The following TCF25 variants were observed in gnomAD, a reference collection of about 807,000 sequenced individuals.
TCF25 encodes the protein TCF25 ribosome quality control complex subunit, also known as ribosome quality control complex subunit TCF25.
In TCF25, 41 loss-of-function variants were observed where a neutral mutation model predicts 83.1. The observed-to-expected ratio is 0.49, with a 90% confidence interval of 0.38 to 0.64. The LOEUF is 0.64. Among genes scored for constraint, TCF25 ranks in the 30% least tolerant of loss-of-function variants. The probability of loss-of-function intolerance (pLI) is 0.00; values close to 1 mark genes in which losing one functional copy is unlikely to be tolerated. For missense variants in TCF25, 979 were observed against 914.5 expected, an observed-to-expected ratio of 1.07 and a Z score of -0.91; for synonymous variants, 458 against 365.0, an observed-to-expected ratio of 1.25 and a Z score of -2.90.
At chr16:89,902,731 G>C (rs1337435717) in intron 12 of TCF25, among the ~76,000 whole-genome samples, 1 of 151,410 alleles carries the variant, frequency 6.6e-6, no homozygotes. Context: ...CCTCCGAGGG[G>C]CTGTGAGGGG....
chr16:89,896,910 C>G (rs1414271332), intron 9 of TCF25, among the ~76,000 whole-genome samples: 1 of 152,028 alleles, frequency 6.6e-6, no homozygotes, highest in Non-Finnish European at 1.5e-5. Flanking sequence ...GTGGTCCCAG[C>G]TACTTGGGAG....
Position 89,884,670 on chromosome 16 carries a change from G to T in TCF25, c.429+14G>T, listed in dbSNP as rs1232659646. On this transcript the variant is annotated intron_variant, in intron 3 of 17. Transcript: ENST00000263346. The stretch of plus-strand genomic sequence containing the variant: ...GGAGAAGCATCGGTACGTGAGTTGG[G>T]CCTGGCTGTGCTCTGTCCCTCTGCC... 1 of 1,609,474 alleles carries T rather than the reference G, an allele frequency of 6.2e-7. No individual in the cohort carries two copies. The highest frequency in any genetic ancestry group is 8.5e-7 in the Non-Finnish European group (1 of 1,177,546).
At chr16:89,904,833 G>A in intron 13 of TCF25, 105 bp from the exon 14 acceptor site, 1 of 1,399,776 alleles carries the variant, frequency 7.1e-7, no homozygotes, top group Non-Finnish European at 9.8e-7. Context: ...CAGGCCACAG[G>A]GCACTCCCTG....
intron 16 of TCF25, chr16:89,910,328 G>T: frequency 1.8e-6 from 1 of 541,858 alleles, no homozygotes; most frequent in East Asian, 3.1e-5. Flanking sequence ...TGGGAGCCTC[G>T]CTCCGGACGC....
intron 1 of TCF25, among the ~76,000 whole-genome samples, chr16:89,878,883 T>A (rs2042386735): frequency 6.6e-6 from 1 of 152,212 alleles, no homozygotes; most frequent in South Asian, 2.1e-4. Flanking sequence ...CCTCGCCATC[T>A]GCCCACCTCT....
intron 14 of TCF25, 153 bp from the exon 15 acceptor site, chr16:89,906,041 C>T (rs2044748753): frequency 4.4e-6 from 3 of 686,290 alleles, no homozygotes; most frequent in South Asian, 1.8e-5. Context: ...GCCATGGTGC[C>T]TCTGCTCGAG....
chr16:89,896,701 G>A (rs1418770052), intron 9 of TCF25, among the ~76,000 whole-genome samples: 3 of 152,112 alleles, frequency 2.0e-5, no homozygotes, highest in Non-Finnish European at 2.9e-5. Context: ...CTACAGGCAC[G>A]TGCCACAACG....
intron 16 of TCF25, 47 bp downstream of exon 16, chr16:89,907,369 CT>C (rs2044900548): frequency 3.9e-6 from 3 of 768,936 alleles, no homozygotes; most frequent in Non-Finnish European, 5.4e-6. Context: ...CACCTCCCTC[CT>C]CCCAGTTCCC....
chr16:89,889,845 T>C (rs11639625), intron 5 of TCF25: 11,472 of 143,682 alleles, frequency 0.08, 645 homozygotes, highest in East Asian at 0.28. Context: ...CCACCGTGCC[T>C]GGTCTGCACG....
intron 1 of TCF25, among the ~76,000 whole-genome samples, chr16:89,882,561 C>T (rs142311844): frequency 2.7e-3 from 418 of 152,190 alleles, no homozygotes; most frequent in Non-Finnish European, 4.3e-3. Flanking sequence ...AAGGTTTCAT[C>T]GTATGAATTA....
intron 8 of TCF25, among the ~76,000 whole-genome samples, 193 bp downstream of exon 8, chr16:89,895,330 C>A (rs1370884498): frequency 2.0e-5 from 3 of 152,176 alleles, no homozygotes; most frequent in Non-Finnish European, 2.9e-5. Context: ...CCACAGCCTC[C>A]CGAGTAGCTG....
At chr16:89,900,865 G>A (rs553490385) in intron 12 of TCF25, 71 bp downstream of exon 12, 2 of 1,420,174 alleles carry the variant, frequency 1.4e-6, no homozygotes, top group South Asian at 1.6e-5. Context: ...TCTTCCTGGT[G>A]GTGGAGGCCA....
intron 9 of TCF25, among the ~76,000 whole-genome samples, chr16:89,896,302 G>A (rs771104609): frequency 1.3e-5 from 2 of 152,222 alleles, no homozygotes; most frequent in African/African-American, 4.8e-5. Flanking sequence ...TGATGCTACT[G>A]TGGAGGTCAG....
rs574317466 is a variant in TCF25 at position 89,900,580 on chromosome 16, C to A, written c.1222-55C>A. The A allele has an allele frequency of 3.1e-5, 47 of 1,511,922 alleles. No homozygotes were observed. The African/African-American group carries it at 5.5e-4, about 18-fold the overall frequency. 93.7% of individuals were successfully genotyped at this position (1,511,922 alleles called of 1,614,324 possible). ...TGATGTCAGAGCGTCTGCAAACTCA[C>A]ATATTTTGTCTTTATGACTTAAGGC... On this transcript the variant is annotated intron_variant, in intron 11 of 17. Transcript: ENST00000263346.
intron 8 of TCF25, among the ~76,000 whole-genome samples, chr16:89,895,599 A>G (rs1192739597): frequency 6.6e-6 from 1 of 152,218 alleles, no homozygotes; most frequent in African/African-American, 2.4e-5. Context: ...GTAATACTCC[A>G]CTGTGTGGAC....
At chr16:89,891,883 C>T (rs2043458944) in intron 5 of TCF25, among the ~76,000 whole-genome samples, 1 of 152,100 alleles carries the variant, frequency 6.6e-6, no homozygotes, top group South Asian at 2.1e-4. Context: ...TTGCCCAGGC[C>T]AGTCTCGAAC....
chr16:89,878,099 A>G (rs2042325900), intron 1 of TCF25, among the ~76,000 whole-genome samples: 1 of 151,598 alleles, frequency 6.6e-6, no homozygotes, highest in Non-Finnish European at 1.5e-5. Flanking sequence ...GCAATGTGGC[A>G]AAACCCCATC....
rs181328028 is a variant in TCF25 at position 89,911,154 on chromosome 16, G to T, written c.1947G>T (p.Val649=). Residue 649 remains valine, a synonymous_variant, in exon 18 of 18, where the codon GTG becomes GTT. Transcript: ENST00000263346. The stretch of plus-strand genomic sequence containing the variant: ...GCCTGAACAGGCTGATGCTGGCTGT[G>T]CGCGACATGATGGCCAACTTCCACC... ...NQGLNRLMLA[V]RDMMANFHLN... is the part of the protein sequence containing the mutation. 1.3e-5 allele frequency: 21 copies of T among 1,612,262 alleles called. No individual in the cohort carries two copies. The East Asian group carries it at 4.0e-4, about 31-fold the overall frequency.
chr16:89,885,916 C>T lies in TCF25; in HGVS notation c.498C>T (p.Pro166=), dbSNP rs775185309. 1.6e-5 allele frequency: 26 copies of T among 1,613,968 alleles called. No homozygotes were observed. The Admixed American group carries it at 2.8e-4, about 18-fold the overall frequency. ...RIEDSTGLNR[P]GPAPLSSRKH... ...AGGACAGCACTGGGTTGAACCGTCC[C>T]GGCCCAGCTCCCCTGAGCTCCAGGA... The change falls in exon 4 of 18, where the codon CCC becomes CCT. Residue 166 remains proline (P), a synonymous_variant. Coordinates refer to ENST00000263346, the MANE Select transcript of TCF25 (RefSeq NM_014972.3).
Sources: allele counts gnomAD v4.1 joint callset (sites outside exome capture counted in the v4.1 genomes callset), GRCh38; gene constraint gnomAD v4.1.1; transcripts MANE v1.5; gene names NCBI Gene and HGNC (gene_info 2026-07-23, HGNC 2026-07-21).